GIPC2: variants seen among roughly 807,000 people sequenced by gnomAD.
The protein encoded by GIPC2 is PDZ domain-containing protein GIPC2.
In GIPC2, 30 loss-of-function variants were observed where a neutral mutation model predicts 30.6. The ratio of observed to expected loss-of-function variants is 0.98; its 90% confidence interval spans 0.73 to 1.33. The LOEUF (loss-of-function observed/expected upper bound fraction) is 1.33. Among genes scored for constraint, GIPC2 ranks in the 40% most tolerant of loss-of-function variants. The pLI, the probability that GIPC2 is intolerant of heterozygous loss-of-function variation, is 0.00. For synonymous variants in GIPC2, 167 were observed against 150.0 expected, an observed-to-expected ratio of 1.11 and a Z score of -0.83; for missense variants, 414 against 390.3, an observed-to-expected ratio of 1.06 and a Z score of -0.51.
Position 78,138,008 on chromosome 1 carries a change from T to C in GIPC2, c.*2265T>C, listed in dbSNP as rs1663038018. Reference sequence around the variant, plus strand: ...CTTTTCACTTTTCTGTAGGCTTTTTTTTTTTAAATGGAAGATGATTATTTT... The same window carrying C: ...CTTTTCACTTTTCTGTAGGCTTTTTCTTTTTAAATGGAAGATGATTATTTT... On this transcript the variant is annotated 3_prime_UTR_variant, in exon 6 of 6. Coordinates refer to ENST00000370759, the MANE Select transcript of GIPC2 (RefSeq NM_017655.6). The C allele has an allele frequency of 6.6e-6, 1 of 152,128 alleles. No homozygotes were observed. Among genetic ancestry groups the C allele is most frequent in the African/African-American group, 2.4e-5 (1 of 41,436 alleles). The allele number at this position is 152,128 out of a possible 1,614,324, so 9.4% of individuals were successfully genotyped here.
chr1:78,068,710 A>G (rs565226948), intron 1 of GIPC2, among the ~76,000 whole-genome samples: 1 of 152,354 alleles, frequency 6.6e-6, no homozygotes, highest in African/African-American at 2.4e-5. Context: ...TCATATAATT[A>G]TTAATTGCCA....
At chr1:78,053,478 G>A (rs1229223682) in intron 1 of GIPC2, among the ~76,000 whole-genome samples, 1 of 152,144 alleles carries the variant, frequency 6.6e-6, no homozygotes, top group Non-Finnish European at 1.5e-5. Flanking sequence ...CTCACAAGGA[G>A]CAATAAACTG....
chr1:78,066,503 A>T (rs1235614568), intron 1 of GIPC2, among the ~76,000 whole-genome samples: 1 of 152,232 alleles, frequency 6.6e-6, no homozygotes, highest in Non-Finnish European at 1.5e-5. Context: ...AAAAGTAGAC[A>T]TACCATTTGA....
chr1:78,065,682 T>G (rs368704289), intron 1 of GIPC2, among the ~76,000 whole-genome samples: 1 of 152,152 alleles, frequency 6.6e-6, no homozygotes, highest in South Asian at 2.1e-4. Context: ...AATAACTTGG[T>G]CCTGGTACAA....
chr1:78,063,723 A>C (rs565884465), intron 1 of GIPC2, among the ~76,000 whole-genome samples: 42 of 151,942 alleles, frequency 2.8e-4, no homozygotes, highest in African/African-American at 8.4e-4. Flanking sequence ...ATCTCTACTA[A>C]AAATACAAAA....
chr1:78,079,385 ACACATTTTGACATGG>A (rs1316927115), intron 1 of GIPC2, among the ~76,000 whole-genome samples: 1 of 152,164 alleles, frequency 6.6e-6, no homozygotes, highest in Non-Finnish European at 1.5e-5. Context: ...TCTGATTCAG[ACACATTTTGACATGG>A]CCTAAAAAGC....
At chr1:78,082,615 G>A (rs1661851555) in intron 2 of GIPC2, among the ~76,000 whole-genome samples, 1 of 152,192 alleles carries the variant, frequency 6.6e-6, no homozygotes, top group African/African-American at 2.4e-5. Flanking sequence ...GACATTCAGA[G>A]CTTGTCTTTC....
At chr1:78,063,735 T>C (rs774840574) in intron 1 of GIPC2, among the ~76,000 whole-genome samples, 6 of 151,346 alleles carry the variant, frequency 4.0e-5, no homozygotes, top group African/African-American at 7.3e-5. Flanking sequence ...AATACAAAAA[T>C]TTGCCGGGTG....
rs540427724 is a variant in GIPC2 at position 78,102,039 on chromosome 1, C to T, written c.607+6907C>T. Among the ~76,000 whole-genome samples, 17 of 152,278 alleles carry T rather than the reference C, an allele frequency of 1.1e-4. No individual in the cohort carries two copies. In the South Asian group the frequency reaches 3.3e-3, roughly 30 times the overall value. On this transcript the variant is annotated intron_variant, in intron 3 of 5. Coordinates refer to ENST00000370759, the MANE Select transcript of GIPC2 (RefSeq NM_017655.6). ...GCAAATTTCCAATTTGTGATTCTTG[C>T]GTGCCCTTTATGGAAAGAGGTTTGA...
intron 5 of GIPC2, among the ~76,000 whole-genome samples, chr1:78,134,309 G>T (rs1259029121): frequency 1.3e-5 from 2 of 151,286 alleles, no homozygotes; most frequent in Admixed American, 6.6e-5. Flanking sequence ...GATTCCTGTT[G>T]TTCTGTATGT....
chr1:78,115,222 A>G (rs1662547053), intron 3 of GIPC2, among the ~76,000 whole-genome samples: 1 of 152,026 alleles, frequency 6.6e-6, no homozygotes, highest in African/African-American at 2.4e-5. Flanking sequence ...TCAGGGCTAT[A>G]TCATGCTCAC....
At chr1:78,057,633 C>T (rs1661320816) in intron 1 of GIPC2, among the ~76,000 whole-genome samples, 1 of 152,130 alleles carries the variant, frequency 6.6e-6, no homozygotes, top group South Asian at 2.1e-4. Flanking sequence ...TTACTTTGAT[C>T]ATTTGTACAT....
intron 1 of GIPC2, among the ~76,000 whole-genome samples, chr1:78,073,295 G>T (rs1571488030): frequency 6.6e-6 from 1 of 151,870 alleles, no homozygotes; most frequent in Admixed American, 6.6e-5. Flanking sequence ...GTAGAGACGG[G>T]GTTTCACCAT....
upstream of GIPC2, chr1:78,045,704 G>C: frequency 1.0e-6 from 1 of 985,464 alleles, no homozygotes; most frequent in Non-Finnish European, 1.2e-6. Context: ...GCCAAATCAT[G>C]CGTGGGTGCC....
At chr1:78,117,788 T>G (rs933500347) in intron 3 of GIPC2, among the ~76,000 whole-genome samples, 8 of 152,200 alleles carry the variant, frequency 5.3e-5, no homozygotes, top group Non-Finnish European at 1.0e-4. Flanking sequence ...ATTAGTATCC[T>G]GTGGTTGGAA....
intron 1 of GIPC2, among the ~76,000 whole-genome samples, chr1:78,046,869 C>G (rs573634271): frequency 6.6e-6 from 1 of 152,190 alleles, no homozygotes; most frequent in Admixed American, 6.5e-5. Flanking sequence ...TAATACCAAA[C>G]GGAGGCCCAC....
chr1:78,056,341 G>C (rs1661296838), intron 1 of GIPC2, among the ~76,000 whole-genome samples: 1 of 152,128 alleles, frequency 6.6e-6, no homozygotes, highest in Admixed American at 6.5e-5. Context: ...AGCTGGGAAT[G>C]GTGGTGTGAG....
At chr1:78,115,519 T>A (rs1334028390) in intron 3 of GIPC2, among the ~76,000 whole-genome samples, 1 of 152,208 alleles carries the variant, frequency 6.6e-6, no homozygotes, top group Non-Finnish European at 1.5e-5. Context: ...GATACTTACA[T>A]TGCTAGGCAG....
intron 1 of GIPC2, among the ~76,000 whole-genome samples, chr1:78,063,170 A>G (rs572602945): frequency 2.2e-4 from 34 of 152,336 alleles, no homozygotes; most frequent in Admixed American, 3.9e-4. Flanking sequence ...ACAAACTTGG[A>G]TTTTAATATC....
Sources: allele counts gnomAD v4.1 joint callset (sites outside exome capture counted in the v4.1 genomes callset), GRCh38; gene constraint gnomAD v4.1.1; transcripts MANE v1.5; gene names NCBI Gene and HGNC (gene_info 2026-07-23, HGNC 2026-07-21).